PER3: variants seen among roughly 807,000 people sequenced by gnomAD.
PER3 encodes period circadian regulator 3.
In PER3, 107 loss-of-function variants were observed where a neutral mutation model predicts 127.2. That is an observed-to-expected ratio of 0.84 (90% CI 0.72 to 0.99). PER3 has a LOEUF of 0.99. Ranked by LOEUF, PER3 falls within the 50% of genes least tolerant of loss-of-function variation. The pLI, the probability that PER3 is intolerant of heterozygous loss-of-function variation, is 0.00. For missense variants in PER3, 1,560 were observed against 1,525.8 expected, an observed-to-expected ratio of 1.02 and a Z score of -0.37; for synonymous variants, 618 against 585.8, an observed-to-expected ratio of 1.05 and a Z score of -0.79.
intron 4 of PER3, chr1:7,787,643 C>T (rs2097098405): frequency 3.3e-6 from 1 of 306,674 alleles, no homozygotes; most frequent in African/African-American, 2.2e-5. Flanking sequence ...AGCAGTGATG[C>T]TTATGTAATG....
intron 11 of PER3, among the ~76,000 whole-genome samples, chr1:7,809,640 T>C (rs1208597251): frequency 6.6e-6 from 1 of 152,212 alleles, no homozygotes; most frequent in Non-Finnish European, 1.5e-5. Context: ...AATTATACTA[T>C]GGCTTTTTAA....
At chr1:7,835,468 A>G (rs80032239) in intron 19 of PER3, among the ~76,000 whole-genome samples, 2 of 152,226 alleles carry the variant, frequency 1.3e-5, no homozygotes, top group Non-Finnish European at 2.9e-5. Context: ...GAACAAGCCC[A>G]TGAGAGAGTG....
In PER3 at chr1:7,798,610, C is replaced by G; in HGVS notation, c.730C>G (p.Pro244Ala). The change falls in exon 7 of 22, where the codon CCA (proline) becomes GCA (alanine). Residue 244 changes from proline to alanine, a missense_variant. Pro to Ala is a conservative substitution (Grantham distance 27). Coordinates refer to ENST00000377532, the MANE Select transcript of PER3 (RefSeq NM_001377275.1). ...GATTCATGTACATCACCCTGCCCAG[C>G]CAGAATTGGAATCGGAACCTTGCTG... is the stretch of plus-strand genomic sequence containing the variant. Reference protein sequence around the residue: ...YLIHVHHPAQPELESEPCCLT... With the variant: ...YLIHVHHPAQAELESEPCCLT... 1 of 1,613,416 alleles carries G rather than the reference C, an allele frequency of 6.2e-7. No homozygotes were observed. The highest frequency in any genetic ancestry group is 8.5e-7 in the Non-Finnish European group (1 of 1,179,382).
intron 3 of PER3, 23 bp from the exon 4 acceptor site, chr1:7,786,698 G>A (rs753694519): frequency 1.6e-6 from 2 of 1,240,596 alleles, no homozygotes; most frequent in Non-Finnish European, 2.4e-6. Context: ...TGGACTACCT[G>A]TTTATCTCCC....
chr1:7,786,639 A>C (rs898647044), intron 3 of PER3, 82 bp from the exon 4 acceptor site: 7 of 750,592 alleles, frequency 9.3e-6, no homozygotes, highest in African/African-American at 1.7e-5. Flanking sequence ...CGAAAAAAAT[A>C]ATCCAGCTTG....
chr1:7,804,082 C>CTT (rs2097182315), intron 10 of PER3: 1 of 371,004 alleles, frequency 2.7e-6, no homozygotes, highest in Non-Finnish European at 4.8e-6. Context: ...GGAATATTTG[C>CTT]TTGATGTATT....
chr1:7,793,321 A>G (rs2097130350), intron 5 of PER3, among the ~76,000 whole-genome samples: 1 of 152,228 alleles, frequency 6.6e-6, no homozygotes, highest in Non-Finnish European at 1.5e-5. Flanking sequence ...CACCTCATAA[A>G]TCAATAAAAT....
chr1:7,803,224 TCATTA>T, intron 9 of PER3, 71 bp downstream of exon 9: 1 of 931,940 alleles, frequency 1.1e-6, no homozygotes, highest in South Asian at 1.3e-5. Flanking sequence ...TCTTTTCATC[TCATTA>T]GAGCGCAACC....
chr1:7,830,613 G>A, intron 19 of PER3, among the ~76,000 whole-genome samples: 1 of 152,184 alleles, frequency 6.6e-6, no homozygotes, highest in Admixed American at 6.5e-5. Flanking sequence ...ACGCTCAATA[G>A]CATTTATAGC....
intron 13 of PER3, among the ~76,000 whole-genome samples, chr1:7,815,085 C>T (rs1374945768): frequency 1.3e-5 from 2 of 152,100 alleles, no homozygotes; most frequent in Non-Finnish European, 2.9e-5. Flanking sequence ...CCCAGGAGTT[C>T]GAGTCCAGCC....
At chr1:7,823,515 G>GC (rs2097287364) in intron 16 of PER3, among the ~76,000 whole-genome samples, 1 of 152,154 alleles carries the variant, frequency 6.6e-6, no homozygotes, top group African/African-American at 2.4e-5. Context: ...GGTGATGCAT[G>GC]CCTGTAATCC....
At chr1:7,811,858 C>A (rs1003462115) in intron 13 of PER3, among the ~76,000 whole-genome samples, 1 of 151,984 alleles carries the variant, frequency 6.6e-6, no homozygotes, top group Non-Finnish European at 1.5e-5. Context: ...CATTTTTTTT[C>A]TTTTCACCTC....
chr1:7,803,638 G>A (rs2097180241), intron 9 of PER3, 54 bp from the exon 10 acceptor site: 1 of 1,124,274 alleles, frequency 8.9e-7, no homozygotes, highest in Non-Finnish European at 1.3e-6. Context: ...AAGGACATTT[G>A]TAATCAGTAT....
chr1:7,797,463 C>T (rs1419599664), intron 6 of PER3, among the ~76,000 whole-genome samples: 1 of 151,940 alleles, frequency 6.6e-6, no homozygotes, highest in African/African-American at 2.4e-5. Flanking sequence ...GGTGAAACCC[C>T]ATCTCTACTA....
intron 10 of PER3, among the ~76,000 whole-genome samples, chr1:7,808,544 AAGTT>A (rs1382007427): frequency 2.0e-5 from 3 of 152,214 alleles, no homozygotes; most frequent in African/African-American, 7.2e-5. Flanking sequence ...TTCTTAGAGT[AAGTT>A]ACAGTTACTC....
In PER3 at chr1:7,826,380, A is replaced by T. The variant is rs2097301576; in HGVS notation, c.1958-100A>T. 3 of 696,094 alleles carry T rather than the reference A, an allele frequency of 4.3e-6. No homozygotes were observed. The highest frequency in any genetic ancestry group is 1.7e-5 in the South Asian group (1 of 57,512). The allele number at this position is 696,094 out of a possible 1,614,324, so 43.1% of individuals were successfully genotyped here. A position where few individuals can be genotyped will look rare whatever the true frequency, so the allele number is the denominator to read the frequency against. ...AGATTTTTCGTATTCCAGCAGTTATAATAATGTTTGTAAAAATGTATCAAA... is the reference window on the plus strand; with the variant it reads ...AGATTTTTCGTATTCCAGCAGTTATTATAATGTTTGTAAAAATGTATCAAA... On this transcript the variant is annotated intron_variant, in intron 16 of 21. Coordinates refer to ENST00000377532, the MANE Select transcript of PER3 (RefSeq NM_001377275.1). This position sits in a 1 kb window ranked among gnomAD's most constrained non-coding sequence, Gnocchi z 4.2.
chr1:7,808,232 C>CAAAAAAAAAAAAAAA (rs60220289), intron 10 of PER3, among the ~76,000 whole-genome samples: 1 of 97,726 alleles, frequency 1.0e-5, no homozygotes, highest in African/African-American at 3.4e-5. Context: ...GACTCTGTCT[C>CAAAAAAAAAAAAAAA]AAAAAAAAAA....
intron 14 of PER3, among the ~76,000 whole-genome samples, chr1:7,819,881 C>T (rs2097267942): frequency 6.6e-6 from 1 of 151,276 alleles, no homozygotes; most frequent in African/African-American, 2.4e-5. Context: ...CCAGTGTGGC[C>T]CAGGGAAGCC....
chr1:7,819,377 A>G lies in PER3; in HGVS notation c.1615A>G (p.Ser539Gly), dbSNP rs1325095110. The change falls in exon 14 of 22, where the codon AGC becomes GGC. Residue 539 changes from serine (S) to glycine (G), a missense_variant. Ser to Gly is a moderately conservative substitution (Grantham distance 56). This residue lies in a region of PER3 where 1,332 missense variants were observed against 1,223.6 expected (regional missense o/e 1.09). Transcript: ENST00000377532. Reference protein sequence around the residue: ...PCEDLRNDEHSPSYQQINCID... With the variant: ...PCEDLRNDEHGPSYQQINCID... Reference sequence around the variant, plus strand: ...TGAGGATTTGAGGAACGATGAGCACAGCCCATCCTATCAACAGATCAACTG... The same window carrying G: ...TGAGGATTTGAGGAACGATGAGCACGGCCCATCCTATCAACAGATCAACTG... 1.9e-6 allele frequency: 3 copies of G among 1,613,784 alleles called. No individual in the cohort carries two copies. Among genetic ancestry groups the G allele is most frequent in the Non-Finnish European group, 2.5e-6 (3 of 1,179,628 alleles).
Sources: gnomAD v4.1 joint callset for allele counts (sites outside exome capture counted in the v4.1 genomes callset) on GRCh38, gnomAD v4.1.1 for gene constraint, gnomAD v4.1.1 regional missense constraint, Gnocchi (gnomAD v3.1) non-coding constraint, MANE v1.5 for transcripts, NCBI Gene and HGNC (gene_info 2026-07-23, HGNC 2026-07-21) for gene names.